The following RHD variants were observed in gnomAD, a reference collection of about 807,000 sequenced individuals.
The protein encoded by RHD is Rh blood group D antigen, also known as blood group Rh(D) polypeptide.
A neutral mutation model predicts 45.5 loss-of-function variants in RHD; 16 were observed. The ratio of observed to expected loss-of-function variants is 0.35; its 90% confidence interval spans 0.24 to 0.53. The LOEUF is 0.53. Ranked by LOEUF, RHD falls within the 20% of genes least tolerant of loss-of-function variation. The probability of loss-of-function intolerance (pLI) is 0.92; values close to 1 mark genes in which losing one functional copy is unlikely to be tolerated. For missense variants in RHD, 306 were observed against 532.0 expected, an observed-to-expected ratio of 0.58 and a Z score of 4.18; for synonymous variants, 131 against 217.5, an observed-to-expected ratio of 0.60 and a Z score of 3.50.
chr1:25,309,053 G>A lies in RHD; in HGVS notation c.1073+2324G>A, dbSNP rs549752434. On this transcript the variant is annotated intron_variant, in intron 7 of 9. Transcript: ENST00000328664. ...TGGAAAGATGGAGAGAGGATTAAGC[G>A]CAAAGTCACAACACTTAATGGGAAC... is the stretch of plus-strand genomic sequence containing the variant. Among the ~76,000 whole-genome samples, 4 of 132,212 alleles carry A rather than the reference G, an allele frequency of 3.0e-5. No homozygotes were observed. The South Asian group carries it at 6.9e-4, about 23-fold the overall frequency. The allele number at this position is 132,212 out of a possible 152,430, so 86.7% of individuals were successfully genotyped here. A position where few individuals can be genotyped will look rare whatever the true frequency, so the allele number is the denominator to read the frequency against.
chr1:25,316,984 G>A lies in RHD; in HGVS notation c.1074-16G>A. On this transcript the variant is annotated splice_polypyrimidine_tract_variant and intron_variant, in intron 7 of 9. Coordinates refer to ENST00000328664, the MANE Select transcript of RHD (RefSeq NM_016124.6). ...GCCTGATGCCCAAGTGACCACCTCT[G>A]CTTTGTCATTTCTAGGATTGGCTTC... 6.6e-6 allele frequency: 1 copy of A among 151,608 alleles called. No homozygotes were observed. Among genetic ancestry groups the A allele is most frequent in the South Asian group, 4.0e-5 (1 of 24,826 alleles). 9.4% of individuals were successfully genotyped at this position (151,608 alleles called of 1,614,324 possible). A position where few individuals can be genotyped will look rare whatever the true frequency, so the allele number is the denominator to read the frequency against.
intron 1 of RHD, among the ~76,000 whole-genome samples, chr1:25,274,042 A>G (rs982717779): frequency 7.5e-6 from 1 of 132,616 alleles, no homozygotes. Context: ...ATACAATTCA[A>G]TGCATTCCAT....
At chr1:25,312,917 C>T (rs1341144595) in intron 7 of RHD, among the ~76,000 whole-genome samples, 1 of 5,970 alleles carries the variant, frequency 1.7e-4, no homozygotes, top group Non-Finnish European at 7.4e-4. Flanking sequence ...AAAATCCCAT[C>T]TCTAAAAAAA....
At position 25,300,979 on chromosome 1, in the gene RHD, G is replaced by T; in HGVS notation, c.520G>T (p.Val174Leu). Residue 174 changes from valine to leucine, a missense_variant, in exon 4 of 10, where the codon GTG (valine) becomes TTG (leucine). Physicochemically the swap from Val to Leu is conservative, Grantham distance 32. Transcript: ENST00000328664. Reference protein sequence around the residue: ...DYHMNMMHIYVFAAYFGLSVA... With the variant: ...DYHMNMMHIYLFAAYFGLSVA... ...CCACATGAACATGATGCACATCTAC[G>T]TGTTCGCAGCCTATTTTGGGCTGTC... 7.3e-7 allele frequency: 1 copy of T among 1,378,792 alleles called. No individual in the cohort carries two copies. Among genetic ancestry groups the T allele is most frequent in the Non-Finnish European group, 1.0e-6 (1 of 978,774 alleles). The allele number at this position is 1,378,792 out of a possible 1,614,324, so 85.4% of individuals were successfully genotyped here.
At chr1:25,320,332 C>T (rs1571751286) in intron 8 of RHD, among the ~76,000 whole-genome samples, 1 of 132,350 alleles carries the variant, frequency 7.6e-6, no homozygotes, top group East Asian at 2.0e-4. Context: ...AGTGATGGTT[C>T]TGATTTTTTT....
chr1:25,286,655 G>A (rs1571611887), intron 2 of RHD, among the ~76,000 whole-genome samples: 2 of 134,174 alleles, frequency 1.5e-5, no homozygotes, highest in African/African-American at 5.2e-5. Flanking sequence ...GCGTGGTGGT[G>A]GGCGCCTGTA....
Position 25,303,329 on chromosome 1 carries a change from T to G in RHD, c.809T>G (p.Val270Gly), listed in dbSNP as rs121912763. ...HPQGKISKTY[V>G]HSAVLAGGVA... ...CACGCTATTTCTTTGCAGACTTATG[T>G]GCACAGTGCGGTGTTGGCAGGAGGC... Residue 270 changes from valine to glycine, a missense_variant, in exon 6 of 10, where the codon GTG becomes GGG. Coordinates refer to ENST00000328664, the MANE Select transcript of RHD (RefSeq NM_016124.6). 5,226 of 1,368,616 alleles carry G rather than the reference T, an allele frequency of 3.8e-3. 1,434 individuals are homozygous for G. Among genetic ancestry groups the G allele is most frequent in the Non-Finnish European group, 4.9e-3 (4,720 of 969,434 alleles). The allele number at this position is 1,368,616 out of a possible 1,614,324, so 84.8% of individuals were successfully genotyped here.
rs1643093791 is a variant in RHD at position 25,298,057 on chromosome 1, C to T, written c.487-2889C>T. On this transcript the variant is annotated intron_variant, in intron 3 of 9. Transcript: ENST00000328664. ...ACCCACCCATCCACCTCCACTTGTT[C>T]CTGCATTTCTATGTCCCAGATCCTG... 1.6e-5 allele frequency among the ~76,000 whole-genome samples: 2 copies of T among 122,936 alleles called. 1 individual carries two copies. The highest frequency in any genetic ancestry group is 5.2e-4 in the South Asian group (2 of 3,872). The allele number at this position is 122,936 out of a possible 152,430, so 80.7% of individuals were successfully genotyped here.
rs541371580 is a variant in RHD at position 25,290,550 on chromosome 1, T to TGAAAGAAA, written c.336-84_336-83insAGAAAGAA. ...AAAGTAGGTGCCCAACAGTGTTTGT[T>TGAAAGAAA]GAAAGAATGAATGAATGAATGAATG... On this transcript the variant is annotated intron_variant, in intron 2 of 9. Transcript: ENST00000328664. 147 of 1,104,488 alleles carry TGAAAGAAA rather than the reference T, an allele frequency of 1.3e-4. 20 individuals are homozygous for TGAAAGAAA. The African/African-American group carries it at 1.9e-3, about 14-fold the overall frequency. 68.4% of individuals were successfully genotyped at this position (1,104,488 alleles called of 1,614,324 possible). A position where few individuals can be genotyped will look rare whatever the true frequency, so the allele number is the denominator to read the frequency against.
rs758070716 is a variant in RHD at position 25,329,072 on chromosome 1, C to T, written c.*148C>T. ...GGAGTCAGAGAAAATGGAGTTGAAT[C>T]CTTTCTCTGCCACTCTTTGAGGAGA... On this transcript the variant is annotated 3_prime_UTR_variant, in exon 10 of 10. Coordinates refer to ENST00000328664, the MANE Select transcript of RHD (RefSeq NM_016124.6). The T allele has an allele frequency of 1.8e-5, 24 of 1,321,886 alleles. 2 individuals are homozygous for T. The African/African-American group carries it at 3.3e-4, about 18-fold the overall frequency. 81.9% of individuals were successfully genotyped at this position (1,321,886 alleles called of 1,614,324 possible).
chr1:25,308,058 G>A (rs1464890339), intron 7 of RHD, among the ~76,000 whole-genome samples: 1 of 123,952 alleles, frequency 8.1e-6, no homozygotes, highest in Non-Finnish European at 1.9e-5. Context: ...AGCCAGTGAA[G>A]GAAGGGAGCT....
rs1045469027 is a variant in RHD, at chr1:25,330,251, A to C, written c.*1327A>C. On this transcript the variant is annotated 3_prime_UTR_variant, in exon 10 of 10. Transcript: ENST00000328664. ...AAGCGGTTTTCTTAGGCACTTCTTA[A>C]CAGACAATTGGTCAAAATGAACTCC... 1 of 133,200 alleles carries C rather than the reference A, an allele frequency of 7.5e-6. No individual in the cohort carries two copies. Among genetic ancestry groups the C allele is most frequent in the Admixed American group, 7.3e-5 (1 of 13,676 alleles). 8.3% of individuals were successfully genotyped at this position (133,200 alleles called of 1,614,324 possible).
rs140644196 is a variant in RHD at position 25,300,037 on chromosome 1, G to A, written c.487-909G>A. ...AGTGCTGGGATTACAGGCAAAATTA[G>A]AATATATCTAGAATTTCCTGAAGAC... On this transcript the variant is annotated intron_variant, in intron 3 of 9. Transcript: ENST00000328664. 1.5e-5 allele frequency among the ~76,000 whole-genome samples: 2 copies of A among 131,136 alleles called. 1 individual carries two copies. The highest frequency in any genetic ancestry group is 3.6e-5 in the Non-Finnish European group (2 of 55,672). The allele number at this position is 131,136 out of a possible 152,430, so 86.0% of individuals were successfully genotyped here. A position where few individuals can be genotyped will look rare whatever the true frequency, so the allele number is the denominator to read the frequency against.
Position 25,329,641 on chromosome 1 carries a change from A to G in RHD, c.*717A>G, listed in dbSNP as rs547158325. ...AGAAACTTAATTAGATTATACCACTAGAGTCTTCAGATTTTTATACTTTTT... is the reference window on the plus strand; with the variant it reads ...AGAAACTTAATTAGATTATACCACTGGAGTCTTCAGATTTTTATACTTTTT... On this transcript the variant is annotated 3_prime_UTR_variant, in exon 10 of 10. Transcript: ENST00000328664. 300 of 130,478 alleles carry G rather than the reference A, an allele frequency of 2.3e-3. 58 individuals carry two copies. In the South Asian group the frequency reaches 0.058, roughly 25 times the overall value. The allele number at this position is 130,478 out of a possible 1,614,324, so 8.1% of individuals were successfully genotyped here.
rs1390147746 is a variant in RHD at position 25,287,747 on chromosome 1, G to A, written c.336-2894G>A. On this transcript the variant is annotated intron_variant, in intron 2 of 9. Transcript: ENST00000328664. ...ATTTTATTTATTTTTTTAGAGACAG[G>A]GTCTTGCTCTGTTGCCCAGTCTGGA... Among the ~76,000 whole-genome samples, 36 of 135,234 alleles carry A rather than the reference G, an allele frequency of 2.7e-4. 6 individuals carry two copies. The highest frequency in any genetic ancestry group is 8.4e-4 in the African/African-American group (33 of 39,368). The allele number at this position is 135,234 out of a possible 152,430, so 88.7% of individuals were successfully genotyped here. A position where few individuals can be genotyped will look rare whatever the true frequency, so the allele number is the denominator to read the frequency against.
In RHD at chr1:25,274,124, T is replaced by C. The variant is rs1251560598; in HGVS notation, c.148+1429T>C. ...GATTAGAGCTGATATTTATGAGCAC[T>C]TACTATGTACCAGGCACTATTCTAC... On this transcript the variant is annotated intron_variant, in intron 1 of 9. Transcript: ENST00000328664. Among the ~76,000 whole-genome samples, 11 of 132,672 alleles carry C rather than the reference T, an allele frequency of 8.3e-5. 1 individual carries two copies. The highest frequency in any genetic ancestry group is 2.8e-4 in the African/African-American group (11 of 38,818). 87.0% of individuals were successfully genotyped at this position (132,672 alleles called of 152,430 possible).
rs767140623 is a variant in RHD, at chr1:25,290,669, T to A, written c.364T>A (p.Ser122Thr). 1.3e-5 allele frequency: 18 copies of A among 1,378,476 alleles called. No individual in the cohort carries two copies. The African/African-American group carries it at 2.1e-4, about 16-fold the overall frequency. 85.4% of individuals were successfully genotyped at this position (1,378,476 alleles called of 1,614,324 possible). ...SIRLATMSAL[S>T]VLISVDAVLG... ...TCGGCTGGCCACCATGAGTGCTTTG[T>A]CGGTGCTGATCTCAGTGGATGCTGT... The change falls in exon 3 of 10, where the codon TCG becomes ACG. Residue 122 changes from serine to threonine, a missense_variant. By Grantham distance (58) the Ser-to-Thr change is moderately conservative. Coordinates refer to ENST00000328664, the MANE Select transcript of RHD (RefSeq NM_016124.6).
In RHD at chr1:25,307,705, C is replaced by T. The variant is rs746526639; in HGVS notation, c.1073+976C>T. The T allele has an allele frequency of 3.8e-5, 50 of 1,307,890 alleles. 10 individuals are homozygous for T. In the East Asian group the frequency reaches 4.2e-4, roughly 11 times the overall value. 81.0% of individuals were successfully genotyped at this position (1,307,890 alleles called of 1,614,324 possible). A position where few individuals can be genotyped will look rare whatever the true frequency, so the allele number is the denominator to read the frequency against. ...TGAAGCAGGTGATGAGGAGCTGATGCGTTTGGACGTGTCTCAGAGAAATCA... is the reference window on the plus strand; with the variant it reads ...TGAAGCAGGTGATGAGGAGCTGATGTGTTTGGACGTGTCTCAGAGAAATCA... On this transcript the variant is annotated intron_variant, in intron 7 of 9. Transcript: ENST00000328664.
rs1167700545 is a variant in RHD at position 25,274,654 on chromosome 1, C to T, written c.148+1959C>T. Among the ~76,000 whole-genome samples, 2 of 133,300 alleles carry T rather than the reference C, an allele frequency of 1.5e-5. 1 individual carries two copies. The highest frequency in any genetic ancestry group is 3.6e-5 in the Non-Finnish European group (2 of 56,116). 87.4% of individuals were successfully genotyped at this position (133,300 alleles called of 152,430 possible). A position where few individuals can be genotyped will look rare whatever the true frequency, so the allele number is the denominator to read the frequency against. ...AGGGCACAGTGGGTGCCATGGCGTG[C>T]ACACACAATAGAGCAGACTGAGCCT... On this transcript the variant is annotated intron_variant, in intron 1 of 9. Transcript: ENST00000328664.
Sources: allele counts gnomAD v4.1 joint callset (sites outside exome capture counted in the v4.1 genomes callset), GRCh38; gene constraint gnomAD v4.1.1; transcripts MANE v1.5; gene names NCBI Gene and HGNC (gene_info 2026-07-23, HGNC 2026-07-21).